The following ENPP3 variants were observed in gnomAD, a reference collection of about 807,000 sequenced individuals.
ENPP3 encodes ectonucleotide pyrophosphatase/phosphodiesterase family member 3.
In ENPP3, 104 loss-of-function variants were observed where a neutral mutation model predicts 117.8. The ratio of observed to expected loss-of-function variants is 0.88; its 90% CI spans 0.75 to 1.04. The LOEUF is 1.04. Ranked by LOEUF, ENPP3 falls within the 50% of genes least tolerant of loss-of-function variation. The pLI, the probability that ENPP3 is intolerant of heterozygous loss-of-function variation, is 0.00. For synonymous variants in ENPP3, 380 were observed against 349.9 expected (o/e 1.09, Z -0.96); for missense variants, 1,026 against 1,051.9 (o/e 0.98, Z 0.34).
Position 131,746,971 on chromosome 6 carries a change from C to T in ENPP3, c.*15C>T. 6.9e-7 allele frequency: 1 copy of T among 1,442,132 alleles called. No individual in the cohort carries two copies. 89.3% of individuals were successfully genotyped at this position (1,442,132 alleles called of 1,614,324 possible). ...CCACTATTTAACTTAATAATGTCTA[C>T]TTAATATATAATTTACTGTATAAAG... On this transcript the variant is annotated 3_prime_UTR_variant, in exon 25 of 25. Coordinates refer to ENST00000357639, the MANE Select transcript of ENPP3 (RefSeq NM_005021.5).
At chr6:131,720,197 G>A in intron 16 of ENPP3, 95 bp from the exon 17 acceptor site, 1 of 687,500 alleles carries the variant, frequency 1.5e-6, no homozygotes, top group Non-Finnish European at 2.5e-6. Flanking sequence ...ATACAAATAG[G>A]AGAGTAGTTA....
intron 15 of ENPP3, among the ~76,000 whole-genome samples, chr6:131,716,996 A>T (rs910241464): frequency 1.3e-4 from 20 of 151,910 alleles, no homozygotes; most frequent in Non-Finnish European, 2.8e-4. Context: ...AATAAATAAA[A>T]CCTATAGTTG....
At chr6:131,676,504 T>C (rs1562444600) in intron 9 of ENPP3, among the ~76,000 whole-genome samples, 1 of 152,300 alleles carries the variant, frequency 6.6e-6, no homozygotes, top group Non-Finnish European at 1.5e-5. Context: ...TAGGAGAAAC[T>C]GAAAGAGAGA....
chr6:131,733,443 C>A (rs183277757), intron 20 of ENPP3, 145 bp from the exon 21 acceptor site: 5 of 766,090 alleles, frequency 6.5e-6, no homozygotes, highest in Admixed American at 3.0e-5. Context: ...TGAAGACATC[C>A]ATTCTCATTG....
chr6:131,684,070 G>T (rs1055502564), intron 12 of ENPP3, among the ~76,000 whole-genome samples: 1 of 151,988 alleles, frequency 6.6e-6, no homozygotes, highest in African/African-American at 2.4e-5. Flanking sequence ...ATTTTTTTAA[G>T]TGCCTACTCA....
intron 20 of ENPP3, 54 bp from the exon 21 acceptor site, chr6:131,733,534 C>T: frequency 1.9e-6 from 3 of 1,582,340 alleles, no homozygotes; most frequent in Non-Finnish European, 2.6e-6. Context: ...CCATATAAGG[C>T]AATGGGTGAG....
At chr6:131,713,267 A>G (rs1024635687) in intron 15 of ENPP3, among the ~76,000 whole-genome samples, 1 of 148,010 alleles carries the variant, frequency 6.8e-6, no homozygotes, top group Non-Finnish European at 1.5e-5. Context: ...TTTATAAATT[A>G]CCCAGTCTTG....
At chr6:131,739,874 CAGCTTGGGCA>C (rs1404597245) in intron 23 of ENPP3, among the ~76,000 whole-genome samples, 2 of 149,730 alleles carry the variant, frequency 1.3e-5, no homozygotes, top group African/African-American at 4.9e-5. Flanking sequence ...AGTTTAAGAC[CAGCTTGGGCA>C]ACAAAGTGAG....
chr6:131,685,838 A>T (rs761912390), intron 13 of ENPP3, 38 bp from the exon 14 acceptor site: 1 of 820,756 alleles, frequency 1.2e-6, no homozygotes, highest in Non-Finnish European at 2.0e-6. Context: ...GTTCGTTATC[A>T]ATTGTAATGT....
chr6:131,672,587 C>A (rs1273924623), intron 7 of ENPP3, among the ~76,000 whole-genome samples: 1 of 151,836 alleles, frequency 6.6e-6, no homozygotes. Flanking sequence ...TTCCTAGGAG[C>A]AATGGTTCAG....
intron 15 of ENPP3, among the ~76,000 whole-genome samples, chr6:131,697,062 G>A (rs910801012): frequency 5.9e-5 from 9 of 152,048 alleles, no homozygotes; most frequent in African/African-American, 1.4e-4. Context: ...CCACCGTGCC[G>A]GCCTGAGCAC....
In ENPP3 at chr6:131,638,479, C is replaced by T. The variant is rs1046507441; in HGVS notation, c.78+1017C>T. On this transcript the variant is annotated intron_variant, in intron 1 of 24. Transcript: ENST00000357639. ...CTCTCTCCTTTGGGATCTCACCTCACCACAACCTCTGTTTCCCAGGCTCAA... is the reference window on the plus strand; with the variant it reads ...CTCTCTCCTTTGGGATCTCACCTCATCACAACCTCTGTTTCCCAGGCTCAA... 5 of 453,770 alleles carry T rather than the reference C, an allele frequency of 1.1e-5. 1 individual carries two copies. Among genetic ancestry groups the T allele is most frequent in the Admixed American group, 4.7e-5 (2 of 42,162 alleles). 28.1% of individuals were successfully genotyped at this position (453,770 alleles called of 1,614,324 possible). A position where few individuals can be genotyped will look rare whatever the true frequency, so the allele number is the denominator to read the frequency against.
intron 20 of ENPP3, among the ~76,000 whole-genome samples, chr6:131,729,776 C>T (rs982872690): frequency 2.0e-5 from 3 of 152,118 alleles, no homozygotes; most frequent in African/African-American, 7.2e-5. Flanking sequence ...GCCACATCCT[C>T]ATTCCTAGTA....
At position 131,741,789 on chromosome 6, in the gene ENPP3, G is replaced by A. The variant is rs144694005; in HGVS notation, c.2457+1409G>A. On this transcript the variant is annotated intron_variant, in intron 24 of 24. Coordinates refer to ENST00000357639, the MANE Select transcript of ENPP3 (RefSeq NM_005021.5). ...TAGGCATTTTAAGTTTGTGGAAATG[G>A]GCATTGATGTGGAAAGTCCCATAGG... Among the ~76,000 whole-genome samples, 3 of 152,240 alleles carry A rather than the reference G, an allele frequency of 2.0e-5. No homozygotes were observed. The East Asian group carries it at 5.8e-4, about 29-fold the overall frequency.
In ENPP3 at chr6:131,685,388, A is replaced by G. The variant is rs1321179941; in HGVS notation, c.1145A>G (p.Lys382Arg). 1 of 1,612,202 alleles carries G rather than the reference A, an allele frequency of 6.2e-7. No individual in the cohort carries two copies. Among genetic ancestry groups the G allele is most frequent in the East Asian group, 2.2e-5 (1 of 44,872 alleles). The change falls in exon 13 of 25, where the codon AAG (lysine) becomes AGG (arginine). Residue 382 changes from lysine (K) to arginine (R), a missense_variant. By Grantham distance (26) the Lys-to-Arg change is conservative. Coordinates refer to ENST00000357639, the MANE Select transcript of ENPP3 (RefSeq NM_005021.5). Reference sequence around the variant, plus strand: ...GGAATGGACCAGACTTATTGTAACAAGATGGAATACATGACTGATTATTTT... The same window carrying G: ...GGAATGGACCAGACTTATTGTAACAGGATGGAATACATGACTGATTATTTT... ...DHGMDQTYCN[K>R]MEYMTDYFPR...
intron 6 of ENPP3, among the ~76,000 whole-genome samples, chr6:131,663,901 A>G (rs901914591): frequency 6.6e-6 from 1 of 152,082 alleles, no homozygotes; most frequent in Non-Finnish European, 1.5e-5. Context: ...TTACTATACT[A>G]TACTCTTTTC....
chr6:131,692,670 A>G (rs1585675869), intron 14 of ENPP3, among the ~76,000 whole-genome samples: 2 of 147,112 alleles, frequency 1.4e-5, no homozygotes, highest in South Asian at 4.2e-4. Context: ...TAATATATAT[A>G]TAATATATGG....
chr6:131,672,613 T>A (rs1224709475), intron 7 of ENPP3, among the ~76,000 whole-genome samples: 1 of 152,100 alleles, frequency 6.6e-6, no homozygotes, highest in Non-Finnish European at 1.5e-5. Context: ...ATTAATTTAG[T>A]GTTCATGACA....
chr6:131,747,153 A>G lies in ENPP3; in HGVS notation c.*197A>G, dbSNP rs1488350285. The G allele has an allele frequency of 2.6e-6, 1 of 385,436 alleles. No individual in the cohort carries two copies. 23.9% of individuals were successfully genotyped at this position (385,436 alleles called of 1,614,324 possible). A position where few individuals can be genotyped will look rare whatever the true frequency, so the allele number is the denominator to read the frequency against. Reference sequence around the variant, plus strand: ...ATTATTTTAAAGTTATATTTTTCACACAGAGATGATGCTATATTACACCTT... The same window carrying G: ...ATTATTTTAAAGTTATATTTTTCACGCAGAGATGATGCTATATTACACCTT... On this transcript the variant is annotated 3_prime_UTR_variant, in exon 25 of 25. Transcript: ENST00000357639.
Sources: gnomAD v4.1 joint callset for allele counts (sites outside exome capture counted in the v4.1 genomes callset) on GRCh38, gnomAD v4.1.1 for gene constraint, MANE v1.5 for transcripts, NCBI Gene and HGNC (gene_info 2026-07-23, HGNC 2026-07-21) for gene names.